Variants in TMEM196 observed in about 807,000 individuals in gnomAD.
TMEM196 encodes the protein transmembrane protein 196.
In TMEM196, 17 loss-of-function variants were observed where a neutral mutation model predicts 20.0. The observed-to-expected ratio is 0.85, with a 90% CI of 0.58 to 1.27. The LOEUF (loss-of-function observed/expected upper bound fraction) is 1.27, where lower values mean the gene tolerates loss of function less well. Among genes scored for constraint, TMEM196 ranks in the 50% most tolerant of loss-of-function variants. The pLI is 0.00. For synonymous variants in TMEM196, 113 were observed against 88.9 expected, an observed-to-expected ratio of 1.27 and a Z score of -1.52; for missense variants, 267 against 223.0, an observed-to-expected ratio of 1.20 and a Z score of -1.26.
At position 19,757,142 on chromosome 7, in the gene TMEM196, C is replaced by T. The variant is rs190934921; in HGVS notation, c.147+15408G>A. On this transcript the variant is annotated intron_variant, in intron 1 of 4. Coordinates refer to ENST00000405844, the MANE Select transcript of TMEM196 (RefSeq NM_001363562.2). Reference sequence around the variant, plus strand: ...TTTCTGATAACCTATAGTGTAATATCCCCAAAACTTGCATCTTATATTGCA... The same window carrying T: ...TTTCTGATAACCTATAGTGTAATATTCCCAAAACTTGCATCTTATATTGCA... Among the ~76,000 whole-genome samples, 548 of 151,798 alleles carry T rather than the reference C, an allele frequency of 3.6e-3. 1 individual carries two copies. The highest frequency in any genetic ancestry group is 5.9e-3 in the Non-Finnish European group (400 of 67,928).
At chr7:19,747,648 A>T (rs560540866) in intron 1 of TMEM196, among the ~76,000 whole-genome samples, 1 of 152,338 alleles carries the variant, frequency 6.6e-6, no homozygotes, top group East Asian at 1.9e-4. Flanking sequence ...TCTAGAGGCT[A>T]ACCTCATTTG....
At chr7:19,735,173 A>G (rs1205793017) in intron 1 of TMEM196, among the ~76,000 whole-genome samples, 1 of 152,204 alleles carries the variant, frequency 6.6e-6, no homozygotes, top group Admixed American at 6.5e-5. Flanking sequence ...ATTAAATTAT[A>G]GATCAGAAAA....
At chr7:19,767,128 A>G (rs1439094650) in intron 1 of TMEM196, among the ~76,000 whole-genome samples, 3 of 152,138 alleles carry the variant, frequency 2.0e-5, no homozygotes, top group African/African-American at 7.2e-5. Flanking sequence ...TGGACTTTGG[A>G]TAGAAATTCC....
At chr7:19,751,548 T>G (rs10252597) in intron 1 of TMEM196, among the ~76,000 whole-genome samples, 21,115 of 152,212 alleles carry the variant, frequency 0.14, 1,814 homozygotes, top group East Asian at 0.42. Context: ...GTAAAATGGA[T>G]GTACTCCTGC....
chr7:19,769,915 T>C (rs1290962348), intron 1 of TMEM196, among the ~76,000 whole-genome samples: 2 of 152,120 alleles, frequency 1.3e-5, no homozygotes, highest in African/African-American at 4.8e-5. Context: ...CTGGAACCAA[T>C]CCCCTATGAA....
intron 1 of TMEM196, among the ~76,000 whole-genome samples, chr7:19,738,841 A>C (rs1355808029): frequency 6.6e-6 from 1 of 152,144 alleles, no homozygotes; most frequent in Non-Finnish European, 1.5e-5. Flanking sequence ...CAAATAACTT[A>C]TGTAGATATT....
intron 1 of TMEM196, among the ~76,000 whole-genome samples, chr7:19,758,409 C>T (rs1367509150): frequency 2.0e-5 from 3 of 152,182 alleles, no homozygotes; most frequent in Non-Finnish European, 4.4e-5. Flanking sequence ...TGGGATCATT[C>T]CTGTTCAGTT....
chr7:19,726,666 C>A (rs1013191172), intron 2 of TMEM196, among the ~76,000 whole-genome samples: 1 of 151,714 alleles, frequency 6.6e-6, no homozygotes, highest in Admixed American at 6.6e-5. Flanking sequence ...ATCATAGGAT[C>A]CCTGGCAGAA....
chr7:19,733,772 G>A (rs1055644262), intron 1 of TMEM196, among the ~76,000 whole-genome samples: 1 of 151,970 alleles, frequency 6.6e-6, no homozygotes, highest in Admixed American at 6.6e-5. Flanking sequence ...GGAGCCTCTC[G>A]CCCAAGATCA....
At chr7:19,757,899 T>C (rs1354627361) in intron 1 of TMEM196, among the ~76,000 whole-genome samples, 2 of 151,610 alleles carry the variant, frequency 1.3e-5, no homozygotes, top group Non-Finnish European at 2.9e-5. Context: ...TTTTTAAACA[T>C]ATAGGATGAT....
intron 1 of TMEM196, among the ~76,000 whole-genome samples, chr7:19,761,789 G>A (rs1785446175): frequency 6.6e-6 from 1 of 152,170 alleles, no homozygotes; most frequent in African/African-American, 2.4e-5. Context: ...TAACAGGCAT[G>A]CACACACTTC....
intron 1 of TMEM196, among the ~76,000 whole-genome samples, chr7:19,757,337 C>CTTTTTTTTTTT (rs59859025): frequency 8.8e-3 from 622 of 70,878 alleles, no homozygotes; most frequent in African/African-American, 0.019. Flanking sequence ...CCACACCCAG[C>CTTTTTTTTTTT]TTTTTTTTTT....
intron 1 of TMEM196, among the ~76,000 whole-genome samples, chr7:19,770,139 A>G (rs1031175417): frequency 3.9e-5 from 6 of 152,146 alleles, no homozygotes; most frequent in African/African-American, 1.4e-4. Flanking sequence ...ATAAAATAAT[A>G]CTTCTTTCAT....
chr7:19,724,226 A>G (rs899156128), intron 4 of TMEM196, 54 bp downstream of exon 4: 46 of 1,451,446 alleles, frequency 3.2e-5, no homozygotes, highest in Non-Finnish European at 4.3e-5. Flanking sequence ...CTGGAAGGGG[A>G]AGTGCTTTCT....
chr7:19,735,877 C>CT (rs1045281892), intron 1 of TMEM196, among the ~76,000 whole-genome samples: 1 of 152,058 alleles, frequency 6.6e-6, no homozygotes, highest in African/African-American at 2.4e-5. Context: ...AGGAACACTA[C>CT]TTTTTTTACC....
At position 19,725,690 on chromosome 7, in the gene TMEM196, T is replaced by C; in HGVS notation, c.283A>G (p.Lys95Glu). 3.7e-6 allele frequency: 6 copies of C among 1,613,864 alleles called. No homozygotes were observed. The highest frequency in any genetic ancestry group is 5.1e-6 in the Non-Finnish European group (6 of 1,179,770). ...AGTGGGTATAGGGAGGAAGTTTTCT[T>C]TGTGACTGCCCGGAGGAACTGAAAA... is the stretch of plus-strand genomic sequence containing the variant. ...LNFQFLRAVT[K>E]KTSSLYPLHL... Residue 95 changes from lysine (K) to glutamate (E), a missense_variant, in exon 3 of 5, where the codon AAG becomes GAG. Lys to Glu is a moderately conservative substitution (Grantham distance 56). Transcript: ENST00000405844.
intron 2 of TMEM196, among the ~76,000 whole-genome samples, chr7:19,727,539 G>A (rs10240229): frequency 0.2 from 30,962 of 152,020 alleles, 3,515 homozygotes; most frequent in African/African-American, 0.31. Context: ...CCTACTAAGT[G>A]TAAACTTGTA....
chr7:19,731,020 C>G (rs1008083986), intron 1 of TMEM196, among the ~76,000 whole-genome samples: 4 of 151,924 alleles, frequency 2.6e-5, no homozygotes, highest in African/African-American at 9.7e-5. Context: ...TGGGAGACAA[C>G]AAAGTTAAAT....
rs80317485 is a variant in TMEM196, at chr7:19,724,839, A to C, written c.460-486T>G. On this transcript the variant is annotated intron_variant, in intron 3 of 4. Coordinates refer to ENST00000405844, the MANE Select transcript of TMEM196 (RefSeq NM_001363562.2). ...TACTAGATCCAGTAGGAGAAACCGAATTAAGGAATATGTGCAAAATGTAAT... is the reference window on the plus strand; with the variant it reads ...TACTAGATCCAGTAGGAGAAACCGACTTAAGGAATATGTGCAAAATGTAAT... Among the ~76,000 whole-genome samples, 1,273 of 152,304 alleles carry C rather than the reference A, an allele frequency of 8.4e-3. 22 individuals carry two copies. The highest frequency in any genetic ancestry group is 0.029 in the African/African-American group (1,214 of 41,574).
Sources: allele counts gnomAD v4.1 joint callset (sites outside exome capture counted in the v4.1 genomes callset), GRCh38; gene constraint gnomAD v4.1.1; transcripts MANE v1.5; gene names NCBI Gene and HGNC (gene_info 2026-07-23, HGNC 2026-07-21).